Variants in LARGE1 observed in about 807,000 individuals in gnomAD.
LARGE1 encodes xylosyl- and glucuronyltransferase LARGE1.
Under a neutral mutation model 87.6 loss-of-function variants are expected in LARGE1, and 43 were observed. That is an observed-to-expected ratio of 0.49 (90% confidence interval 0.38 to 0.63). The LOEUF (loss-of-function observed/expected upper bound fraction) is 0.63. LARGE1 is among the 30% of genes least tolerant of loss of function. The pLI, the probability that LARGE1 is intolerant of heterozygous loss-of-function variation, is 0.00. For synonymous variants in LARGE1, 434 were observed against 394.6 expected (o/e 1.10, Z -1.18); for missense variants, 802 against 1,000.2 (o/e 0.80, Z 2.67).
At chr22:33,603,930 C>T (rs2079177407) in intron 5 of LARGE1, among the ~76,000 whole-genome samples, 1 of 152,202 alleles carries the variant, frequency 6.6e-6, no homozygotes, top group South Asian at 2.1e-4. Context: ...TTTTAAAGCA[C>T]ATTCAAATAT....
At chr22:33,537,756 A>G (rs1384909724) in intron 6 of LARGE1, among the ~76,000 whole-genome samples, 1 of 152,040 alleles carries the variant, frequency 6.6e-6, no homozygotes, top group Non-Finnish European at 1.5e-5. Flanking sequence ...ATTTTTTAGT[A>G]GAGACAGGGT....
chr22:33,609,168 C>T (rs547905686), intron 4 of LARGE1, among the ~76,000 whole-genome samples: 18 of 152,236 alleles, frequency 1.2e-4, no homozygotes, highest in Non-Finnish European at 2.1e-4. Flanking sequence ...GAATGAGCTA[C>T]GAGTGTTCTC....
chr22:33,683,578 C>T (rs1460451145), intron 2 of LARGE1, among the ~76,000 whole-genome samples: 1 of 151,898 alleles, frequency 6.6e-6, no homozygotes, highest in Non-Finnish European at 1.5e-5. Flanking sequence ...AACAGACAGA[C>T]AGATGATAGG....
chr22:33,617,271 C>T (rs2149037603), intron 4 of LARGE1, among the ~76,000 whole-genome samples: 1 of 152,354 alleles, frequency 6.6e-6, no homozygotes, highest in Non-Finnish European at 1.5e-5. Context: ...ATATGCGTGA[C>T]TTCTGAGCCT....
intron 2 of LARGE1, among the ~76,000 whole-genome samples, chr22:33,684,867 CT>C (rs1229519745): frequency 6.6e-6 from 1 of 152,206 alleles, no homozygotes; most frequent in Non-Finnish European, 1.5e-5. Context: ...TCTTCCCCCA[CT>C]TTTTCAACCA....
intron 2 of LARGE1, among the ~76,000 whole-genome samples, chr22:33,675,030 T>C (rs535231931): frequency 4.6e-5 from 7 of 151,774 alleles, no homozygotes; most frequent in African/African-American, 1.7e-4. Context: ...CGGTGACTCA[T>C]GCCTGTAGTC....
chr22:33,529,493 C>T (rs1333209464), intron 6 of LARGE1, among the ~76,000 whole-genome samples: 2 of 152,204 alleles, frequency 1.3e-5, no homozygotes, highest in Non-Finnish European at 2.9e-5. Context: ...ACAAAAGCAG[C>T]CCCAACGTGC....
At chr22:33,420,747 A>C (rs2066661672) in intron 7 of LARGE1, among the ~76,000 whole-genome samples, 1 of 152,218 alleles carries the variant, frequency 6.6e-6, no homozygotes, top group Non-Finnish European at 1.5e-5. Context: ...TGCATGTTTA[A>C]TTTCTGTCCA....
intron 9 of LARGE1, among the ~76,000 whole-genome samples, chr22:33,359,391 T>C (rs2064298212): frequency 6.6e-6 from 1 of 152,094 alleles, no homozygotes; most frequent in Non-Finnish European, 1.5e-5. Flanking sequence ...CTTGGGAAGA[T>C]TAAGTGAGGT....
intron 6 of LARGE1, among the ~76,000 whole-genome samples, chr22:33,509,823 C>A (rs150029673): frequency 6.6e-6 from 1 of 152,326 alleles, no homozygotes; most frequent in Non-Finnish European, 1.5e-5. Flanking sequence ...TTTAAAATCT[C>A]TCTCGTCTGC....
chr22:33,668,473 C>T (rs1280078691), intron 2 of LARGE1, among the ~76,000 whole-genome samples: 4 of 152,224 alleles, frequency 2.6e-5, no homozygotes, highest in Non-Finnish European at 5.9e-5. Context: ...GGCTTGACAA[C>T]TTATTATTTA....
chr22:33,485,183 G>A (rs977841084), intron 6 of LARGE1, among the ~76,000 whole-genome samples: 8 of 149,630 alleles, frequency 5.3e-5, no homozygotes, highest in Non-Finnish European at 1.0e-4. Context: ...AAAGTGCTAG[G>A]ACTACAGGCA....
In LARGE1 at chr22:33,382,058, G is replaced by C; in HGVS notation, c.1006-14C>G. ...ATTGAAAATATCCTGGGGGATGAAA[G>C]CCAAAGACACAGTCAAGACAGTCGG... On this transcript the variant is annotated splice_polypyrimidine_tract_variant and intron_variant, in intron 8 of 14. Coordinates refer to ENST00000397394, the MANE Select transcript of LARGE1 (RefSeq NM_133642.5). The C allele has an allele frequency of 6.2e-7, 1 of 1,614,008 alleles. No individual in the cohort carries two copies. Among genetic ancestry groups the C allele is most frequent in the Non-Finnish European group, 8.5e-7 (1 of 1,179,958 alleles).
intron 5 of LARGE1, among the ~76,000 whole-genome samples, chr22:33,570,604 C>T (rs1219697881): frequency 2.9e-5 from 4 of 137,382 alleles, no homozygotes; most frequent in Non-Finnish European, 6.0e-5. Flanking sequence ...GCCAAGGTAG[C>T]ACCACTGCAC....
chr22:33,755,350 C>A (rs571828314), intron 2 of LARGE1, among the ~76,000 whole-genome samples: 29 of 152,324 alleles, frequency 1.9e-4, no homozygotes, highest in Admixed American at 3.3e-4. Flanking sequence ...ATAACACCCA[C>A]ATTGTCCCGG....
chr22:33,892,982 G>A (rs1290251889), intron 1 of LARGE1, among the ~76,000 whole-genome samples: 1 of 152,198 alleles, frequency 6.6e-6, no homozygotes, highest in Admixed American at 6.5e-5. Flanking sequence ...AAGGGAGAAG[G>A]TGAATAGGTG....
chr22:33,271,001 A>G (rs1487513178), downstream of LARGE1, among the ~76,000 whole-genome samples: 3 of 152,236 alleles, frequency 2.0e-5, no homozygotes, highest in Non-Finnish European at 2.9e-5. Context: ...CAGAGAATCA[A>G]TTACTATCCC....
intron 2 of LARGE1, among the ~76,000 whole-genome samples, chr22:33,741,484 A>C (rs1033560217): frequency 2.0e-5 from 3 of 152,246 alleles, no homozygotes; most frequent in Non-Finnish European, 4.4e-5. Context: ...CACCTGGATT[A>C]GTTGCAAACA....
At chr22:33,886,558 T>G (rs1371441298) in intron 1 of LARGE1, among the ~76,000 whole-genome samples, 1 of 144,738 alleles carries the variant, frequency 6.9e-6, no homozygotes, top group Non-Finnish European at 1.5e-5. Flanking sequence ...ACACCTGTAA[T>G]CCCAGCTATT....
Sources: gnomAD v4.1 joint callset for allele counts (sites outside exome capture counted in the v4.1 genomes callset) on GRCh38, gnomAD v4.1.1 for gene constraint, MANE v1.5 for transcripts, NCBI Gene and HGNC (gene_info 2026-07-23, HGNC 2026-07-21) for gene names.